The following DPP9 variants were observed in gnomAD, a reference collection of about 807,000 sequenced individuals.
DPP9 encodes the protein dipeptidyl peptidase 9.
DPP9 carries 50 observed loss-of-function variants against 110.7 expected under a neutral mutation model. That is an observed-to-expected ratio of 0.45 (90% CI 0.36 to 0.57). The LOEUF (loss-of-function observed/expected upper bound fraction) is 0.57. Ranked by LOEUF, DPP9 falls within the 20% of genes least tolerant of loss-of-function variation. The pLI, the probability that DPP9 is intolerant of heterozygous loss-of-function variation, is 0.00. For missense variants in DPP9, 1,022 were observed against 1,217.9 expected (o/e 0.84, Z 2.39); for synonymous variants, 561 against 514.4 (o/e 1.09, Z -1.23).
chr19:4,678,632 G>A (rs2089261102), intron 21 of DPP9, among the ~76,000 whole-genome samples: 1 of 152,042 alleles, frequency 6.6e-6, no homozygotes, highest in Admixed American at 6.6e-5. Flanking sequence ...CTTGGGATGT[G>A]GGGTGTCGGT....
chr19:4,722,922 T>C (rs2093384843), intron 1 of DPP9: 1 of 244,902 alleles, frequency 4.1e-6, no homozygotes, highest in East Asian at 1.1e-4. Context: ...AGACCACTTT[T>C]GATGGCTCAG....
chr19:4,723,631 G>GGGTCGC (rs2093420708), intron 1 of DPP9, 43 bp downstream of exon 1: 1 of 157,536 alleles, frequency 6.3e-6, no homozygotes, highest in Non-Finnish European at 1.4e-5. Flanking sequence ...GGCGGGTTCA[G>GGGTCGC]GGTCGCGGCC....
rs2090481464 is a variant in DPP9 at position 4,685,004 on chromosome 19, G to A, written c.2032-195C>T. 1 of 731,438 alleles carries A rather than the reference G, an allele frequency of 1.4e-6. No homozygotes were observed. Among genetic ancestry groups the A allele is most frequent in the African/African-American group, 1.7e-5 (1 of 57,656 alleles). 45.3% of individuals were successfully genotyped at this position (731,438 alleles called of 1,614,324 possible). On this transcript the variant is annotated intron_variant, in intron 17 of 21. Coordinates refer to ENST00000262960, the MANE Select transcript of DPP9 (RefSeq NM_139159.5). This position sits in a 1 kb window ranked among gnomAD's most constrained non-coding sequence, Gnocchi z 5.8. Reference sequence around the variant, plus strand: ...GGGGCCCATACTCGGGACCCTGCTAGGGAGGGGGAAGGGCCACTGTCAGGC... The same window carrying A: ...GGGGCCCATACTCGGGACCCTGCTAAGGAGGGGGAAGGGCCACTGTCAGGC...
Position 4,722,451 on chromosome 19 carries a change from C to T in DPP9, c.-36+48G>A, listed in dbSNP as rs1198494155. On this transcript the variant is annotated intron_variant, in intron 2 of 21. Coordinates refer to ENST00000262960, the MANE Select transcript of DPP9 (RefSeq NM_139159.5). Reference sequence around the variant, plus strand: ...TCTAGAGCAGGCAAAGGAATCCCACCAGCCCACACCCCAGCCTTCCTGGCT... The same window carrying T: ...TCTAGAGCAGGCAAAGGAATCCCACTAGCCCACACCCCAGCCTTCCTGGCT... 6 of 700,350 alleles carry T rather than the reference C, an allele frequency of 8.6e-6. No individual in the cohort carries two copies. In the East Asian group the frequency reaches 1.6e-4, roughly 19 times the overall value. 43.4% of individuals were successfully genotyped at this position (700,350 alleles called of 1,614,324 possible). A position where few individuals can be genotyped will look rare whatever the true frequency, so the allele number is the denominator to read the frequency against.
At chr19:4,720,225 A>C (rs2093260254) in intron 2 of DPP9, among the ~76,000 whole-genome samples, 1 of 152,234 alleles carries the variant, frequency 6.6e-6, no homozygotes, top group Non-Finnish European at 1.5e-5. Context: ...ACATCACACC[A>C]GGGCACCTGC....
Position 4,676,753 on chromosome 19 carries a change from G to A in DPP9, c.2587-97C>T. 1 of 1,006,536 alleles carries A rather than the reference G, an allele frequency of 9.9e-7. No homozygotes were observed. Among genetic ancestry groups the A allele is most frequent in the Non-Finnish European group, 1.5e-6 (1 of 661,628 alleles). The allele number at this position is 1,006,536 out of a possible 1,614,324, so 62.4% of individuals were successfully genotyped here. On this transcript the variant is annotated intron_variant, in intron 21 of 21. Coordinates refer to ENST00000262960, the MANE Select transcript of DPP9 (RefSeq NM_139159.5). The surrounding 1 kb of genome is among the most constrained non-coding windows in gnomAD (Gnocchi z 4.0). ...TCTGGCTCAGGGCATCCGGGAAGGC[G>A]CAGGTGCTCTGAGGCCCAGTGATCT...
intron 20 of DPP9, among the ~76,000 whole-genome samples, chr19:4,681,523 G>A (rs1462887412): frequency 6.6e-6 from 1 of 151,788 alleles, no homozygotes; most frequent in Non-Finnish European, 1.5e-5. Context: ...CACCGTGTTG[G>A]CTAGGCTGGT....
rs867690819 is a variant in DPP9 at position 4,682,614 on chromosome 19, G to A, written c.2474+82C>T. The A allele has an allele frequency of 2.6e-5, 40 of 1,547,252 alleles. No individual in the cohort carries two copies. The highest frequency in any genetic ancestry group is 1.8e-4 in the Middle Eastern group (1 of 5,408). ...CCCTGGGCAGGGCCAGCTGGGGCAG[G>A]AGGGCACCCTCATAGAGACAGCTGG... On this transcript the variant is annotated intron_variant, in intron 20 of 21. Coordinates refer to ENST00000262960, the MANE Select transcript of DPP9 (RefSeq NM_139159.5). This position sits in a 1 kb window ranked among gnomAD's most constrained non-coding sequence, Gnocchi z 7.1.
intron 1 of DPP9, 72 bp downstream of exon 1, chr19:4,723,602 C>G (rs2093418488): frequency 6.4e-6 from 1 of 155,526 alleles, no homozygotes; most frequent in African/African-American, 2.4e-5. Flanking sequence ...GGGTCAGGGC[C>G]GAGGCGGGGC....
chr19:4,694,377 C>T lies in DPP9; in HGVS notation c.1516+284G>A, dbSNP rs936286483. On this transcript the variant is annotated intron_variant, in intron 13 of 21. Coordinates refer to ENST00000262960, the MANE Select transcript of DPP9 (RefSeq NM_139159.5). The surrounding 1 kb of genome is among the most constrained non-coding windows in gnomAD (Gnocchi z 4.0). ...TTATTTATGAACACAGGTGGTGGGC[C>T]GGATTTGACCTGTGGGCCGTAGGTG... 3 of 506,476 alleles carry T rather than the reference C, an allele frequency of 5.9e-6. No individual in the cohort carries two copies. The highest frequency in any genetic ancestry group is 7.0e-6 in the Non-Finnish European group (2 of 287,202). The allele number at this position is 506,476 out of a possible 1,614,324, so 31.4% of individuals were successfully genotyped here.
chr19:4,700,335 C>A lies in DPP9; in HGVS notation c.1013-58G>T. The A allele has an allele frequency of 1.4e-6, 2 of 1,457,148 alleles. No homozygotes were observed. Among genetic ancestry groups the A allele is most frequent in the Non-Finnish European group, 9.4e-7 (1 of 1,066,164 alleles). 90.3% of individuals were successfully genotyped at this position (1,457,148 alleles called of 1,614,324 possible). ...AGGCATCACCCGTGTGTGCCGAGAG[C>A]CGGCACGGGGGGCCTGGGCTGTGGG... On this transcript the variant is annotated intron_variant, in intron 9 of 21. Transcript: ENST00000262960. The surrounding 1 kb of genome is among the most constrained non-coding windows in gnomAD (Gnocchi z 4.3).
rs940788797 is a variant in DPP9 at position 4,695,158 on chromosome 19, A to G, written c.1353+220T>C. ...AGAGCAACCCTGTCTCTAATTAAAGAAAAAAATAGATGAGGGGAGAGGCTC... is the reference window on the plus strand; with the variant it reads ...AGAGCAACCCTGTCTCTAATTAAAGGAAAAAATAGATGAGGGGAGAGGCTC... On this transcript the variant is annotated intron_variant, in intron 12 of 21. Transcript: ENST00000262960. This position sits in a 1 kb window ranked among gnomAD's most constrained non-coding sequence, Gnocchi z 4.7. 1.0e-5 allele frequency: 6 copies of G among 579,052 alleles called. No individual in the cohort carries two copies. The highest frequency in any genetic ancestry group is 1.8e-5 in the Non-Finnish European group (6 of 334,812). 35.9% of individuals were successfully genotyped at this position (579,052 alleles called of 1,614,324 possible).
Position 4,693,358 on chromosome 19 carries a change from C to T in DPP9, c.1516+1303G>A, listed in dbSNP as rs2091495779. The stretch of plus-strand genomic sequence containing the variant: ...GTCAGTGTGCAAGGACACCTGCAAT[C>T]CCACCAGGAGTCTCGGTTCCCTGAG... On this transcript the variant is annotated intron_variant, in intron 13 of 21. Transcript: ENST00000262960. The surrounding 1 kb of genome is among the most constrained non-coding windows in gnomAD (Gnocchi z 5.0). Among the ~76,000 whole-genome samples the T allele has an allele frequency of 1.3e-5, 2 of 152,138 alleles. No individual in the cohort carries two copies. Among genetic ancestry groups the T allele is most frequent in the South Asian group, 4.1e-4 (2 of 4,824 alleles).
At position 4,702,081 on chromosome 19, in the gene DPP9, G is replaced by A; in HGVS notation, c.958C>T (p.Pro320Ser). The A allele has an allele frequency of 6.2e-7, 1 of 1,613,968 alleles. No homozygotes were observed. The highest frequency in any genetic ancestry group is 8.5e-7 in the Non-Finnish European group (1 of 1,179,858). ...DESEVEVIHVPSPALEERKTD... is the reference protein window; with the variant it reads ...DESEVEVIHVSSPALEERKTD... ...TTCCTTTCTTCTAGCGCAGGAGAGGGGACGTGAATGACCTCCACCTCGGAC... is the reference window on the plus strand; with the variant it reads ...TTCCTTTCTTCTAGCGCAGGAGAGGAGACGTGAATGACCTCCACCTCGGAC... The change falls in exon 9 of 22, where the codon CCC (proline) becomes TCC (serine). Residue 320 changes from proline to serine, a missense_variant. This residue lies in a region of DPP9 where 810 missense variants were observed against 920.6 expected (regional missense o/e 0.88). Coordinates refer to ENST00000262960, the MANE Select transcript of DPP9 (RefSeq NM_139159.5).
chr19:4,679,481 G>A (rs1395779592), intron 21 of DPP9: 1 of 293,478 alleles, frequency 3.4e-6, no homozygotes, highest in Non-Finnish European at 6.6e-6. Flanking sequence ...TCAGCACTCA[G>A]CGGTTTCTTC....
At chr19:4,719,360 AAAT>A (rs1568336956) in intron 3 of DPP9, 1 of 151,884 alleles carries the variant, frequency 6.6e-6, no homozygotes, top group Non-Finnish European at 1.5e-5. Context: ...ATAAATAAAT[AAAT>A]AAATAAAAAT....
intron 11 of DPP9, among the ~76,000 whole-genome samples, chr19:4,697,107 AAAAC>A (rs1321789707): frequency 6.6e-6 from 1 of 151,998 alleles, no homozygotes; most frequent in Non-Finnish European, 1.5e-5. Context: ...TCAAAAAAAA[AAAAC>A]AGGCAGAGGC....
At position 4,684,542 on chromosome 19, in the gene DPP9, C is replaced by T. The variant is rs964823110; in HGVS notation, c.2178+121G>A. The T allele has an allele frequency of 8.3e-7, 1 of 1,202,830 alleles. No individual in the cohort carries two copies. Among genetic ancestry groups the T allele is most frequent in the African/African-American group, 1.6e-5 (1 of 64,328 alleles). 74.5% of individuals were successfully genotyped at this position (1,202,830 alleles called of 1,614,324 possible). A position where few individuals can be genotyped will look rare whatever the true frequency, so the allele number is the denominator to read the frequency against. On this transcript the variant is annotated intron_variant, in intron 18 of 21. Coordinates refer to ENST00000262960, the MANE Select transcript of DPP9 (RefSeq NM_139159.5). The surrounding 1 kb of genome is among the most constrained non-coding windows in gnomAD (Gnocchi z 4.8). ...GCGCCTCATTGAGCCTGCGTCACCC[C>T]AGCCAGAAGTGCCCTTCTGCGGGTG...
intron 11 of DPP9, 49 bp downstream of exon 11, chr19:4,697,502 C>A: frequency 6.5e-7 from 1 of 1,543,096 alleles, no homozygotes; most frequent in Non-Finnish European, 8.9e-7. Context: ...CTGCCCAGGG[C>A]CCAGGGCCCT....
Sources: allele counts gnomAD v4.1 joint callset (sites outside exome capture counted in the v4.1 genomes callset), GRCh38; gene constraint gnomAD v4.1.1; regional missense constraint gnomAD v4.1.1; non-coding constraint Gnocchi (gnomAD v3.1); transcripts MANE v1.5; gene names NCBI Gene and HGNC (gene_info 2026-07-23, HGNC 2026-07-21).